The following PCDHGA8 variants were observed in gnomAD, a reference collection of about 807,000 sequenced individuals.
The protein encoded by PCDHGA8 is protocadherin gamma subfamily A, 8.
A neutral mutation model predicts 59.2 loss-of-function variants in PCDHGA8; 45 were observed. The ratio of observed to expected loss-of-function variants is 0.76; its 90% CI spans 0.60 to 0.98. The LOEUF is 0.98. Ranked by LOEUF, PCDHGA8 falls within the 50% of genes least tolerant of loss-of-function variation. PCDHGA8 has a pLI of 0.00. For synonymous variants in PCDHGA8, 531 were observed against 519.0 expected, an observed-to-expected ratio of 1.02 and a Z score of -0.32; for missense variants, 1,257 against 1,196.2, an observed-to-expected ratio of 1.05 and a Z score of -0.75.
chr5:141,464,043 T>C (rs2099074643), intron 1 of PCDHGA8, among the ~76,000 whole-genome samples: 2 of 152,074 alleles, frequency 1.3e-5, no homozygotes, highest in African/African-American at 4.8e-5. Context: ...GGCGGGTGGA[T>C]CACCTGAGGT....
chr5:141,430,796 C>A, intron 1 of PCDHGA8: 1 of 1,522,232 alleles, frequency 6.6e-7, no homozygotes, highest in Middle Eastern at 1.8e-4. Context: ...CTACAAAGGG[C>A]TTGTCCTGCT....
At chr5:141,420,406 T>C (rs2096494414) in intron 1 of PCDHGA8, 1 of 1,241,672 alleles carries the variant, frequency 8.1e-7, no homozygotes, top group Non-Finnish European at 1.1e-6. Context: ...AATTTATGGT[T>C]ATCATTATTA....
chr5:141,428,029 C>T (rs775747505), intron 1 of PCDHGA8: 1 of 1,607,160 alleles, frequency 6.2e-7, no homozygotes, highest in Non-Finnish European at 8.5e-7. Flanking sequence ...GCCGCAGAGT[C>T]CGGCTACCTG....
chr5:141,423,501 C>G, intron 1 of PCDHGA8: 1 of 1,613,990 alleles, frequency 6.2e-7, no homozygotes, highest in African/African-American at 1.3e-5. Flanking sequence ...CCCACGAGGT[C>G]TCTCTCATTG....
chr5:141,402,839 C>T (rs2094312458), intron 1 of PCDHGA8: 1 of 1,386,198 alleles, frequency 7.2e-7, no homozygotes, highest in Non-Finnish European at 9.5e-7. Context: ...TGCAGCAAAA[C>T]TCAGCCTCTT....
Position 141,490,795 on chromosome 5 carries a change from C to G in PCDHGA8, c.2425-4012C>G. The G allele has an allele frequency of 6.2e-7, 1 of 1,614,036 alleles. No homozygotes were observed. The highest frequency in any genetic ancestry group is 1.1e-5 in the South Asian group (1 of 91,084). Reference sequence around the variant, plus strand: ...CCCAGAGGATGGACGGATCTTTGCCCAGCGTACCTTTGACTATGAATTGCT... The same window carrying G: ...CCCAGAGGATGGACGGATCTTTGCCGAGCGTACCTTTGACTATGAATTGCT... On this transcript the variant is annotated intron_variant, in intron 1 of 3. Transcript: ENST00000398604. This position sits in a 1 kb window ranked among gnomAD's most constrained non-coding sequence, Gnocchi z 5.4.
chr5:141,395,310 A>T (rs752171326), intron 1 of PCDHGA8, 73 bp downstream of exon 1: 1 of 1,502,292 alleles, frequency 6.7e-7, no homozygotes, highest in African/African-American at 1.4e-5. Context: ...TTTGAAAAAC[A>T]TTGTGAAGAT....
chr5:141,439,013 A>T lies in PCDHGA8; in HGVS notation c.2424+43776A>T, dbSNP rs2098082221. 1.3e-5 allele frequency among the ~76,000 whole-genome samples: 2 copies of T among 151,700 alleles called. 1 individual carries two copies. The highest frequency in any genetic ancestry group is 1.3e-4 in the Admixed American group (2 of 15,214). On this transcript the variant is annotated intron_variant, in intron 1 of 3. Transcript: ENST00000398604. ...GGCTAAGGACCTGGTTTGTTTGTCA[A>T]ATTTTGAAAATAGATGCCTCAGTTC...
At chr5:141,433,951 A>G (rs2097667078) in intron 1 of PCDHGA8, among the ~76,000 whole-genome samples, 1 of 152,032 alleles carries the variant, frequency 6.6e-6, no homozygotes, top group African/African-American at 2.4e-5. Context: ...TGTTTCTTCT[A>G]CAGTTGTTAA....
At position 141,431,209 on chromosome 5, in the gene PCDHGA8, G is replaced by C; in HGVS notation, c.2424+35972G>C. Reference sequence around the variant, plus strand: ...TTAGTGAAAATGCAGCCACTGAGATGCGGTTCCCTCTACCCCACGCCTGGG... The same window carrying C: ...TTAGTGAAAATGCAGCCACTGAGATCCGGTTCCCTCTACCCCACGCCTGGG... On this transcript the variant is annotated intron_variant, in intron 1 of 3. Coordinates refer to ENST00000398604, the MANE Select transcript of PCDHGA8 (RefSeq NM_032088.2). The surrounding 1 kb of genome is among the most constrained non-coding windows in gnomAD (Gnocchi z 4.8). 6.2e-7 allele frequency: 1 copy of C among 1,614,190 alleles called. No homozygotes were observed. Among genetic ancestry groups the C allele is most frequent in the Non-Finnish European group, 8.5e-7 (1 of 1,180,038 alleles).
Position 141,485,757 on chromosome 5 carries a change from T to A in PCDHGA8, c.2425-9050T>A. The A allele has an allele frequency of 6.2e-7, 1 of 1,614,174 alleles. No homozygotes were observed. The highest frequency in any genetic ancestry group is 8.5e-7 in the Non-Finnish European group (1 of 1,180,028). The stretch of plus-strand genomic sequence containing the variant: ...GACGGCAGCCTGGTCCCAGAGCTGC[T>A]CCTGGAGAAGCCTTTGGATCGAGAG... On this transcript the variant is annotated intron_variant, in intron 1 of 3. Transcript: ENST00000398604. The surrounding 1 kb of genome is among the most constrained non-coding windows in gnomAD (Gnocchi z 5.7).
intron 2 of PCDHGA8, among the ~76,000 whole-genome samples, chr5:141,495,407 C>T: frequency 6.6e-6 from 1 of 152,218 alleles, no homozygotes; most frequent in East Asian, 1.9e-4. Flanking sequence ...AGGCCCCCTT[C>T]TCCGGCCCCT....
chr5:141,431,401 C>T lies in PCDHGA8; in HGVS notation c.2424+36164C>T. ...CTGCTCACCACCTGGTCCTTACGGC[C>T]TCCGACGGGGGCGACCCGGTGCGCA... On this transcript the variant is annotated intron_variant, in intron 1 of 3. Transcript: ENST00000398604. The surrounding 1 kb of genome is among the most constrained non-coding windows in gnomAD (Gnocchi z 4.8). 2 of 1,613,800 alleles carry T rather than the reference C, an allele frequency of 1.2e-6. No homozygotes were observed. Among genetic ancestry groups the T allele is most frequent in the Admixed American group, 1.7e-5 (1 of 60,036 alleles).
At chr5:141,501,987 G>A (rs1462571527) in intron 2 of PCDHGA8, among the ~76,000 whole-genome samples, 2 of 152,016 alleles carry the variant, frequency 1.3e-5, no homozygotes, top group Non-Finnish European at 2.9e-5. Flanking sequence ...TGGTCCCGTT[G>A]TCTCCCTGAC....
At chr5:141,414,161 GA>G (rs1351073953) in intron 1 of PCDHGA8, 1 of 1,603,276 alleles carries the variant, frequency 6.2e-7, no homozygotes, top group Admixed American at 1.7e-5. Context: ...GAAGATGGAG[GA>G]GCATATCTTG....
intron 1 of PCDHGA8, chr5:141,417,757 G>A: frequency 7.0e-7 from 1 of 1,435,144 alleles, no homozygotes; most frequent in Non-Finnish European, 9.2e-7. Flanking sequence ...CCAGCTCCGA[G>A]ACCCGGGACT....
chr5:141,489,431 T>C lies in PCDHGA8; in HGVS notation c.2425-5376T>C. 6.2e-7 allele frequency: 1 copy of C among 1,614,132 alleles called. No individual in the cohort carries two copies. Among genetic ancestry groups the C allele is most frequent in the Non-Finnish European group, 8.5e-7 (1 of 1,180,024 alleles). On this transcript the variant is annotated intron_variant, in intron 1 of 3. Transcript: ENST00000398604. This position sits in a 1 kb window ranked among gnomAD's most constrained non-coding sequence, Gnocchi z 4.5. ...ATGACAGATCTGTTGAGCCGGCGGC[T>C]GCAATTGGGCTCTGAGGAGAATGGG...
chr5:141,405,770 G>A (rs989163026), intron 1 of PCDHGA8, among the ~76,000 whole-genome samples: 9 of 152,030 alleles, frequency 5.9e-5, no homozygotes, highest in South Asian at 4.2e-4. Flanking sequence ...GAGCCACTGC[G>A]CCTGGCCCTT....
In PCDHGA8 at chr5:141,408,212, A is replaced by C. The variant is rs1360693546; in HGVS notation, c.2424+12975A>C. ...AGAACCCGAGCGAACGATGGGAGGGAGCTGCGCGCAGAGGCGCCGGGCCGG... is the reference window on the plus strand; with the variant it reads ...AGAACCCGAGCGAACGATGGGAGGGCGCTGCGCGCAGAGGCGCCGGGCCGG... On this transcript the variant is annotated intron_variant, in intron 1 of 3. Coordinates refer to ENST00000398604, the MANE Select transcript of PCDHGA8 (RefSeq NM_032088.2). 1.9e-6 allele frequency: 3 copies of C among 1,554,492 alleles called. No individual in the cohort carries two copies. In the Admixed American group the frequency reaches 5.9e-5, roughly 30 times the overall value.
Sources: gnomAD v4.1 joint callset for allele counts (sites outside exome capture counted in the v4.1 genomes callset) on GRCh38, gnomAD v4.1.1 for gene constraint, Gnocchi (gnomAD v3.1) non-coding constraint, MANE v1.5 for transcripts, NCBI Gene and HGNC (gene_info 2026-07-23, HGNC 2026-07-21) for gene names.